The following USP40 variants were observed in gnomAD, a reference collection of about 807,000 sequenced individuals.
The protein encoded by USP40 is ubiquitin specific peptidase 40.
Under a neutral mutation model 166.2 loss-of-function variants are expected in USP40, and 143 were observed. The observed-to-expected ratio is 0.86, with a 90% CI of 0.75 to 0.99. USP40 has a LOEUF of 0.99. USP40 is among the 50% of genes least tolerant of loss of function. The pLI is 0.00. For synonymous variants in USP40, 498 were observed against 524.0 expected, an observed-to-expected ratio of 0.95 and a Z score of 0.68; for missense variants, 1,444 against 1,479.7, an observed-to-expected ratio of 0.98 and a Z score of 0.40.
Position 233,549,134 on chromosome 2 carries a change from T to C in USP40, c.933A>G (p.Lys311=), listed in dbSNP as rs747028487. 22 of 1,602,874 alleles carry C rather than the reference T, an allele frequency of 1.4e-5. No individual in the cohort carries two copies. The highest frequency in any genetic ancestry group is 5.1e-5 in the Admixed American group (3 of 58,652). ...GCCAGTTTCCCAAATGATCAACATC[T>C]TTAATATATACATGGTAATGGCCTC... ...CYGGHYHVYI[K]DVDHLGNWQF... Residue 311 remains lysine, a synonymous_variant, in exon 8 of 32, where the codon AAA becomes AAG. Coordinates refer to ENST00000678225, the MANE Select transcript of USP40 (RefSeq NM_001365479.2).
In USP40 at chr2:233,562,763, A is replaced by G. The variant is rs1279565731; in HGVS notation, c.240T>C (p.Phe80=). Residue 80 remains phenylalanine (F), a synonymous_variant, in exon 3 of 32, where the codon TTT becomes TTC. Coordinates refer to ENST00000678225, the MANE Select transcript of USP40 (RefSeq NM_001365479.2). The part of the protein sequence containing the change: ...FSLGPEELGL[F]EDKDKPDAKV... Reference sequence around the variant, plus strand: ...TTGCATCGGGTTTATCCTTATCTTCAAACAAACCAAGCTCTTCTGGGCCAA... The same window carrying G: ...TTGCATCGGGTTTATCCTTATCTTCGAACAAACCAAGCTCTTCTGGGCCAA... The G allele has an allele frequency of 6.5e-7, 1 of 1,538,302 alleles. No homozygotes were observed. Among genetic ancestry groups the G allele is most frequent in the Admixed American group, 2.0e-5 (1 of 50,434 alleles).
intron 11 of USP40, among the ~76,000 whole-genome samples, chr2:233,530,332 T>C (rs2068422938): frequency 6.6e-6 from 1 of 152,148 alleles, no homozygotes; most frequent in African/African-American, 2.4e-5. Flanking sequence ...AATAAATGAT[T>C]ACATAGTAGT....
rs772527294 is a variant in USP40 at position 233,477,423 on chromosome 2, GAA to G, written c.3678_3679del (p.Ser1229HisfsTer23). On this transcript the variant is annotated frameshift_variant, in exon 32 of 32. Coordinates refer to ENST00000678225, the MANE Select transcript of USP40 (RefSeq NM_001365479.2). LOFTEE classifies it high-confidence loss of function. Reference sequence around the variant, plus strand: ...GAAGCTCCCCACGTGGATGGAGAGAGAAGTTTCCGGGGCTCGGGGCCGGGCAG... The same window carrying G: ...GAAGCTCCCCACGTGGATGGAGAGAGGTTTCCGGGGCTCGGGGCCGGGCAG... 28 of 1,613,690 alleles carry G rather than the reference GAA, an allele frequency of 1.7e-5. No individual in the cohort carries two copies. The highest frequency in any genetic ancestry group is 4.5e-5 in the East Asian group (2 of 44,886).
In USP40 at chr2:233,565,507, AT is replaced by A; in HGVS notation, c.47del (p.Asn16IlefsTer9). 3 of 1,537,262 alleles carry A rather than the reference AT, an allele frequency of 2.0e-6. No individual in the cohort carries two copies. Among genetic ancestry groups the A allele is most frequent in the African/African-American group, 1.4e-5 (1 of 73,152 alleles). Reference protein sequence around the residue: ...FEEEYSTVSNNQYGKGKKLKT... With the variant: ...FEEEYSTVSNXQYGKGKKLKT... ...TTAATTTCTTCCCTTTTCCATACTG[AT>A]TATTAGACACAGTGGAATACTCCTC... On this transcript the variant is annotated frameshift_variant, in exon 2 of 32. Coordinates refer to ENST00000678225, the MANE Select transcript of USP40 (RefSeq NM_001365479.2). LOFTEE classifies it high-confidence loss of function.
chr2:233,500,637 A>C (rs971810881), intron 21 of USP40, among the ~76,000 whole-genome samples: 1 of 152,222 alleles, frequency 6.6e-6, no homozygotes, highest in Admixed American at 6.5e-5. Context: ...ATACACATTA[A>C]TGGGAGATTT....
At chr2:233,504,508 A>G (rs2066282095) in intron 21 of USP40, among the ~76,000 whole-genome samples, 1 of 152,094 alleles carries the variant, frequency 6.6e-6, no homozygotes, top group Admixed American at 6.5e-5. Flanking sequence ...TGTCAGGTAA[A>G]ATAGACTTTA....
At chr2:233,487,862 C>A in intron 28 of USP40, 1 of 482,226 alleles carries the variant, frequency 2.1e-6, no homozygotes. Context: ...TCAGGTGATA[C>A]TAGGATGAAG....
chr2:233,502,462 AT>A (rs2125117355), intron 21 of USP40, among the ~76,000 whole-genome samples: 1 of 152,288 alleles, frequency 6.6e-6, no homozygotes, highest in South Asian at 2.1e-4. Flanking sequence ...TCCAATGAAT[AT>A]TTTCTTTGAG....
At chr2:233,533,978 T>C (rs943365003) in intron 10 of USP40, among the ~76,000 whole-genome samples, 199 bp from the exon 11 acceptor site, 1 of 152,240 alleles carries the variant, frequency 6.6e-6, no homozygotes, top group African/African-American at 2.4e-5. Flanking sequence ...AATAGTCTGA[T>C]AGTGACATCC....
intron 18 of USP40, among the ~76,000 whole-genome samples, chr2:233,514,601 A>T (rs528262986): frequency 6.6e-6 from 1 of 152,298 alleles, no homozygotes; most frequent in East Asian, 1.9e-4. Flanking sequence ...TGCAATGGAA[A>T]GCACTAAAGG....
Position 233,551,350 on chromosome 2 carries a change from G to T in USP40, c.837+26C>A, listed in dbSNP as rs768522254. 7.7e-6 allele frequency: 12 copies of T among 1,566,646 alleles called. No individual in the cohort carries two copies. The South Asian group carries it at 1.2e-4, about 16-fold the overall frequency. The stretch of plus-strand genomic sequence containing the variant: ...TTCAATCTTGAGAGGGGAAAAGAAA[G>T]AATTTAAAAATAAAATAGTTCAAAC... On this transcript the variant is annotated intron_variant, in intron 7 of 31. Transcript: ENST00000678225.
At chr2:233,563,723 T>C (rs1378970790) in intron 2 of USP40, among the ~76,000 whole-genome samples, 1 of 152,234 alleles carries the variant, frequency 6.6e-6, no homozygotes, top group Non-Finnish European at 1.5e-5. Flanking sequence ...ACAGTCCTTA[T>C]TCTTTCCAAA....
intron 20 of USP40, among the ~76,000 whole-genome samples, chr2:233,510,449 C>G (rs987843063): frequency 2.5e-5 from 3 of 119,554 alleles, no homozygotes; most frequent in Non-Finnish European, 4.8e-5. Flanking sequence ...GTTGCCCAGG[C>G]TGGAGTGCAG....
intron 7 of USP40, among the ~76,000 whole-genome samples, chr2:233,550,183 T>TA (rs988178202): frequency 2.0e-5 from 3 of 152,108 alleles, no homozygotes; most frequent in African/African-American, 7.2e-5. Flanking sequence ...TTAAACTTTT[T>TA]AAGTGGGCAG....
At chr2:233,488,093 ATTTCT>A in intron 28 of USP40, 141 bp downstream of exon 28, 1 of 750,950 alleles carries the variant, frequency 1.3e-6, no homozygotes, top group South Asian at 1.5e-5. Context: ...ATACAAACAT[ATTTCT>A]AGCACACACT....
chr2:233,554,820 G>GT (rs1246968328), intron 5 of USP40, among the ~76,000 whole-genome samples: 1 of 152,124 alleles, frequency 6.6e-6, no homozygotes, highest in Non-Finnish European at 1.5e-5. Flanking sequence ...AATAAGACAC[G>GT]TATCTGAATT....
intron 2 of USP40, among the ~76,000 whole-genome samples, chr2:233,563,572 C>G (rs898487955): frequency 6.6e-6 from 1 of 152,142 alleles, no homozygotes. Context: ...TACAAATCTA[C>G]AAGTTAAAGC....
chr2:233,494,927 T>TATATATATAG, intron 24 of USP40, among the ~76,000 whole-genome samples: 1 of 32,022 alleles, frequency 3.1e-5, no homozygotes, highest in Non-Finnish European at 5.4e-5. Context: ...TATATATATA[T>TATATATATAG]ATATATATAT....
chr2:233,506,494 A>G (rs756105235), intron 21 of USP40, among the ~76,000 whole-genome samples: 1 of 152,226 alleles, frequency 6.6e-6, no homozygotes, highest in Non-Finnish European at 1.5e-5. Flanking sequence ...ACAAAAGAAC[A>G]TAGACAAATG....
Sources: gnomAD v4.1 joint callset for allele counts (sites outside exome capture counted in the v4.1 genomes callset) on GRCh38, gnomAD v4.1.1 for gene constraint, MANE v1.5 for transcripts, NCBI Gene and HGNC (gene_info 2026-07-23, HGNC 2026-07-21) for gene names.